The following PLXDC2 variants were observed in gnomAD, a reference collection of about 807,000 sequenced individuals.
PLXDC2 encodes the protein plexin domain containing 2.
In PLXDC2, 40 loss-of-function variants were observed where a neutral mutation model predicts 68.9. The ratio of observed to expected loss-of-function variants is 0.58; its 90% CI spans 0.45 to 0.76. PLXDC2 has a LOEUF of 0.76. PLXDC2 is among the 30% of genes least tolerant of loss of function. The probability of loss-of-function intolerance (pLI) is 0.00; values close to 1 mark genes in which losing one functional copy is unlikely to be tolerated. For synonymous variants in PLXDC2, 243 were observed against 234.2 expected (o/e 1.04, Z -0.34); for missense variants, 644 against 661.9 (o/e 0.97, Z 0.30).
At chr10:19,899,184 C>T (rs981576665) in intron 1 of PLXDC2, among the ~76,000 whole-genome samples, 1 of 152,188 alleles carries the variant, frequency 6.6e-6, no homozygotes, top group African/African-American at 2.4e-5. Flanking sequence ...CACCTCCAGT[C>T]CCATTGAGGC....
intron 1 of PLXDC2, among the ~76,000 whole-genome samples, chr10:19,868,142 G>T (rs1284457415): frequency 6.6e-6 from 1 of 151,920 alleles, no homozygotes; most frequent in Non-Finnish European, 1.5e-5. Flanking sequence ...TTTGGGTTTG[G>T]GGGTACATGT....
At chr10:19,884,634 G>A (rs2131353919) in intron 1 of PLXDC2, among the ~76,000 whole-genome samples, 1 of 152,090 alleles carries the variant, frequency 6.6e-6, no homozygotes, top group East Asian at 1.9e-4. Context: ...ATAGTTTACT[G>A]AGAATGATGA....
chr10:20,090,222 A>T (rs556930310), intron 4 of PLXDC2, among the ~76,000 whole-genome samples: 1 of 152,222 alleles, frequency 6.6e-6, no homozygotes, highest in African/African-American at 2.4e-5. Flanking sequence ...AAAAATGCCC[A>T]TGTGTATTTT....
intron 1 of PLXDC2, among the ~76,000 whole-genome samples, chr10:19,975,037 C>T (rs1402284007): frequency 6.6e-6 from 1 of 152,200 alleles, no homozygotes; most frequent in Non-Finnish European, 1.5e-5. Flanking sequence ...TCATGTCCCA[C>T]TTCCCAGAGG....
chr10:19,836,672 A>G (rs1427974860), intron 1 of PLXDC2, among the ~76,000 whole-genome samples: 2 of 152,214 alleles, frequency 1.3e-5, no homozygotes, highest in Non-Finnish European at 2.9e-5. Flanking sequence ...AGCATAAAGA[A>G]ATAACAGCTG....
intron 13 of PLXDC2, among the ~76,000 whole-genome samples, chr10:20,248,748 T>C (rs11011901): frequency 0.25 from 37,865 of 152,166 alleles, 4,913 homozygotes; most frequent in African/African-American, 0.31. Flanking sequence ...GTTTGTGATA[T>C]GCAGACGCGT....
chr10:20,138,134 A>G (rs941700593), intron 4 of PLXDC2, among the ~76,000 whole-genome samples: 6 of 152,220 alleles, frequency 3.9e-5, no homozygotes, highest in Non-Finnish European at 7.3e-5. Context: ...TTTATTTAGA[A>G]GTTTGGTGAG....
intron 1 of PLXDC2, among the ~76,000 whole-genome samples, chr10:19,855,070 C>A (rs1256518445): frequency 3.9e-5 from 6 of 152,148 alleles, no homozygotes; most frequent in Admixed American, 3.9e-4. Context: ...GGGCAGGGAT[C>A]TTTGTTTTAT....
At chr10:20,190,489 C>T (rs542046909) in intron 9 of PLXDC2, among the ~76,000 whole-genome samples, 67 of 151,706 alleles carry the variant, frequency 4.4e-4, no homozygotes, top group African/African-American at 1.5e-3. Context: ...GGAGATATAC[C>T]TAATGTAAAT....
intron 6 of PLXDC2, among the ~76,000 whole-genome samples, chr10:20,153,846 A>C (rs1450859726): frequency 6.6e-6 from 1 of 152,106 alleles, no homozygotes; most frequent in African/African-American, 2.4e-5. Context: ...CCCTCTTAAA[A>C]ACTTTCTTTT....
At chr10:19,855,415 C>T (rs1837194169) in intron 1 of PLXDC2, among the ~76,000 whole-genome samples, 1 of 152,084 alleles carries the variant, frequency 6.6e-6, no homozygotes, top group Non-Finnish European at 1.5e-5. Flanking sequence ...CCTAGGTCTA[C>T]CTCTTATTTC....
chr10:20,161,945 T>C (rs1215163382), intron 6 of PLXDC2, among the ~76,000 whole-genome samples: 2 of 151,510 alleles, frequency 1.3e-5, no homozygotes, highest in Admixed American at 6.6e-5. Flanking sequence ...GTAGGAGAAT[T>C]GCTTGAACCC....
chr10:20,279,449 C>T (rs1836052241), intron 13 of PLXDC2, among the ~76,000 whole-genome samples: 1 of 152,064 alleles, frequency 6.6e-6, no homozygotes, highest in South Asian at 2.1e-4. Context: ...GGGAGAAGCT[C>T]TGAATCCTTT....
chr10:20,080,917 A>G (rs1169500218), intron 4 of PLXDC2, among the ~76,000 whole-genome samples: 1 of 152,156 alleles, frequency 6.6e-6, no homozygotes, highest in African/African-American at 2.4e-5. Context: ...AACTTCCACA[A>G]AGCTAGAATT....
At chr10:19,838,489 C>A (rs564428037) in intron 1 of PLXDC2, among the ~76,000 whole-genome samples, 2 of 152,164 alleles carry the variant, frequency 1.3e-5, no homozygotes, top group Non-Finnish European at 2.9e-5. Context: ...GTAAAACAGA[C>A]AAGTCACTTT....
Position 19,817,103 on chromosome 10 carries a change from C to G in PLXDC2, c.24C>G (p.Asp8Glu), listed in dbSNP as rs1351835776. Residue 8 changes from aspartate (D) to glutamate (E), a missense_variant, in exon 1 of 14, where the codon GAC (aspartate) becomes GAG (glutamate). Asp to Glu is a conservative substitution (Grantham distance 45, BLOSUM62 2). Transcript: ENST00000377252. MARFPKA[D>E]LAAAGVMLLC... ...GCATGGCGAGGTTCCCGAAGGCCGACCTGGCCGCTGCAGGAGTTATGTTAC... is the reference window on the plus strand; with the variant it reads ...GCATGGCGAGGTTCCCGAAGGCCGAGCTGGCCGCTGCAGGAGTTATGTTAC... 2.2e-5 allele frequency: 35 copies of G among 1,560,740 alleles called. No individual in the cohort carries two copies. The highest frequency in any genetic ancestry group is 2.9e-5 in the Non-Finnish European group (33 of 1,150,916).
chr10:19,911,827 CTG>C (rs1380116102), intron 1 of PLXDC2, among the ~76,000 whole-genome samples: 3 of 152,048 alleles, frequency 2.0e-5, no homozygotes, highest in Non-Finnish European at 4.4e-5. Context: ...TACAATTTTT[CTG>C]TGTTACAGAT....
At chr10:19,855,488 T>G (rs550370754) in intron 1 of PLXDC2, among the ~76,000 whole-genome samples, 1 of 152,212 alleles carries the variant, frequency 6.6e-6, no homozygotes, top group South Asian at 2.1e-4. Flanking sequence ...TGTAAAACTT[T>G]TAGTACAGAT....
At chr10:20,117,431 A>T (rs1833636914) in intron 4 of PLXDC2, among the ~76,000 whole-genome samples, 1 of 152,146 alleles carries the variant, frequency 6.6e-6, no homozygotes, top group African/African-American at 2.4e-5. Flanking sequence ...GTGTGAGTGC[A>T]CATGTATACT....
Sources: gnomAD v4.1 joint callset for allele counts (sites outside exome capture counted in the v4.1 genomes callset) on GRCh38, gnomAD v4.1.1 for gene constraint, MANE v1.5 for transcripts, NCBI Gene and HGNC (gene_info 2026-07-23, HGNC 2026-07-21) for gene names.